Variants in PRKD1 observed in about 807,000 individuals in gnomAD.
PRKD1 encodes protein kinase D1.
PRKD1 carries 63 observed loss-of-function variants against 95.9 expected under a neutral mutation model. The observed-to-expected ratio is 0.66, with a 90% CI of 0.54 to 0.81. The LOEUF is 0.81. Ranked by LOEUF, PRKD1 falls within the 30% of genes least tolerant of loss-of-function variation. The pLI is 0.00. For synonymous variants in PRKD1, 425 were observed against 423.1 expected, an observed-to-expected ratio of 1.00 and a Z score of -0.05; for missense variants, 1,048 against 1,165.3, an observed-to-expected ratio of 0.90 and a Z score of 1.47.
At chr14:29,883,517 T>C (rs1405935046) in intron 1 of PRKD1, among the ~76,000 whole-genome samples, 1 of 152,024 alleles carries the variant, frequency 6.6e-6, no homozygotes, top group Admixed American at 6.5e-5. Flanking sequence ...CTAACAGACA[T>C]ATGTTTAACA....
At chr14:29,619,448 A>C (rs1879096161) in intron 13 of PRKD1, among the ~76,000 whole-genome samples, 2 of 152,196 alleles carry the variant, frequency 1.3e-5, no homozygotes, top group South Asian at 4.1e-4. Flanking sequence ...TTAGCAGCTA[A>C]TATATGCCAG....
intron 1 of PRKD1, among the ~76,000 whole-genome samples, chr14:29,839,483 G>A (rs756489432): frequency 5.9e-5 from 9 of 152,138 alleles, no homozygotes; most frequent in Non-Finnish European, 1.0e-4. Context: ...TACTCTCCGG[G>A]GTGCACGGTG....
At chr14:29,685,341 T>C (rs1273155720) in intron 2 of PRKD1, among the ~76,000 whole-genome samples, 1 of 152,218 alleles carries the variant, frequency 6.6e-6, no homozygotes, top group African/African-American at 2.4e-5. Context: ...AATGCCAAAC[T>C]AAATGCATTT....
Position 29,644,450 on chromosome 14 carries a change from CAGAT to C in PRKD1, c.697-5550_697-5547del, listed in dbSNP as rs762141081. Among the ~76,000 whole-genome samples, 85 of 152,284 alleles carry C rather than the reference CAGAT, an allele frequency of 5.6e-4. No homozygotes were observed. In the Middle Eastern group the frequency reaches 0.01, roughly 18 times the overall value. ...TGGAGAGGACAGCGTCACTGTAAAA[CAGAT>C]AGCTACAGCTCAATTAGTTCTAACA... On this transcript the variant is annotated intron_variant, in intron 4 of 17. Coordinates refer to ENST00000331968, the MANE Select transcript of PRKD1 (RefSeq NM_002742.3).
chr14:29,675,773 T>C (rs1296381771), intron 2 of PRKD1, among the ~76,000 whole-genome samples: 1 of 151,880 alleles, frequency 6.6e-6, no homozygotes, highest in Non-Finnish European at 1.5e-5. Context: ...ATGTGGCACA[T>C]ATACACCATG....
At chr14:29,579,562 T>C (rs1327367906) in intron 16 of PRKD1, among the ~76,000 whole-genome samples, 8 of 152,146 alleles carry the variant, frequency 5.3e-5, no homozygotes, top group African/African-American at 4.8e-5. Context: ...TCAACCTGTA[T>C]GGACCTGAAG....
chr14:29,807,831 C>G (rs930360290), intron 1 of PRKD1, among the ~76,000 whole-genome samples: 3 of 151,848 alleles, frequency 2.0e-5, no homozygotes, highest in African/African-American at 7.3e-5. Flanking sequence ...AAGCAATTCT[C>G]ATGCCTTAGC....
At chr14:29,660,086 G>A (rs1000794817) in intron 4 of PRKD1, among the ~76,000 whole-genome samples, 1 of 152,014 alleles carries the variant, frequency 6.6e-6, no homozygotes, top group East Asian at 1.9e-4. Context: ...AATTGATTTC[G>A]TGTATGGCAT....
intron 2 of PRKD1, among the ~76,000 whole-genome samples, chr14:29,682,172 T>A (rs1959434): frequency 6.6e-6 from 1 of 151,520 alleles, no homozygotes; most frequent in Non-Finnish European, 1.5e-5. Context: ...TGCAGTTTGT[T>A]TCCTGGTTTT....
chr14:29,763,646 G>A (rs1888127299), intron 1 of PRKD1, among the ~76,000 whole-genome samples: 1 of 152,174 alleles, frequency 6.6e-6, no homozygotes, highest in Non-Finnish European at 1.5e-5. Flanking sequence ...ATAACCTTGG[G>A]TGTTGCCCCA....
intron 17 of PRKD1, 82 bp from the exon 18 acceptor site, chr14:29,577,538 C>T: frequency 7.6e-7 from 1 of 1,313,844 alleles, no homozygotes. Flanking sequence ...TTTCTGCAAT[C>T]TATGAGTTAC....
intron 2 of PRKD1, among the ~76,000 whole-genome samples, chr14:29,669,632 C>T (rs1882725604): frequency 6.6e-6 from 1 of 152,190 alleles, no homozygotes; most frequent in Non-Finnish European, 1.5e-5. Flanking sequence ...CTTTGGGAGG[C>T]CAAGGCAGGT....
intron 5 of PRKD1, 50 bp downstream of exon 5, chr14:29,638,644 C>T: frequency 6.2e-7 from 1 of 1,611,650 alleles, no homozygotes; most frequent in East Asian, 2.2e-5. Flanking sequence ...ATACTTATGT[C>T]AGATGAATGA....
intron 1 of PRKD1, among the ~76,000 whole-genome samples, chr14:29,815,025 A>C (rs1890636071): frequency 6.6e-6 from 1 of 152,138 alleles, no homozygotes; most frequent in Admixed American, 6.5e-5. Flanking sequence ...TCATTTTCTA[A>C]ATTGTGTCAT....
intron 1 of PRKD1, among the ~76,000 whole-genome samples, chr14:29,857,216 T>C (rs1892539493): frequency 1.3e-5 from 2 of 152,310 alleles, no homozygotes; most frequent in Admixed American, 6.5e-5. Flanking sequence ...ATTGTTATTG[T>C]CATTGTTTTG....
intron 17 of PRKD1, 91 bp downstream of exon 17, chr14:29,578,184 T>C: frequency 9.7e-7 from 1 of 1,032,248 alleles, no homozygotes; most frequent in Non-Finnish European, 1.4e-6. Context: ...AATCACACTT[T>C]AAAAATTATT....
intron 1 of PRKD1, among the ~76,000 whole-genome samples, chr14:29,843,357 A>G (rs1009216256): frequency 2.0e-5 from 3 of 152,130 alleles, no homozygotes; most frequent in African/African-American, 4.8e-5. Context: ...TGTTTAAGTC[A>G]CCCATTCTGT....
Position 29,927,384 on chromosome 14 carries a change from C to T in PRKD1, c.129G>A (p.Ala43=), listed in dbSNP as rs766009512. 9 of 1,553,358 alleles carry T rather than the reference C, an allele frequency of 5.8e-6. No homozygotes were observed. In the East Asian group the frequency reaches 1.5e-4, roughly 26 times the overall value. The stretch of plus-strand genomic sequence containing the variant: ...GGAACGAGATGCCCCCGACCGGGGC[C>T]GCGACAGGAGCCAAGAACGGCGCGG... The part of the protein sequence containing the change: ...PGPAPFLAPV[A]APVGGISFHL... The change falls in exon 1 of 18, where the codon GCG becomes GCA. Residue 43 remains alanine (A), a synonymous_variant. Coordinates refer to ENST00000331968, the MANE Select transcript of PRKD1 (RefSeq NM_002742.3).
intron 1 of PRKD1, among the ~76,000 whole-genome samples, chr14:29,849,296 T>A (rs1161202039): frequency 6.6e-6 from 1 of 152,170 alleles, no homozygotes. Context: ...CCACCATAAT[T>A]GTAAGTTTCC....
Sources: gnomAD v4.1 joint callset for allele counts (sites outside exome capture counted in the v4.1 genomes callset) on GRCh38, gnomAD v4.1.1 for gene constraint, MANE v1.5 for transcripts, NCBI Gene and HGNC (gene_info 2026-07-23, HGNC 2026-07-21) for gene names.